Variants in SRFBP1 observed in about 807,000 individuals in gnomAD.
SRFBP1 encodes serum response factor-binding protein 1.
In SRFBP1, 47 loss-of-function variants were observed where a neutral mutation model predicts 45.5. That is an observed-to-expected ratio of 1.03 (90% CI 0.82 to 1.32). The LOEUF (loss-of-function observed/expected upper bound fraction) is 1.32. Ranked by LOEUF, SRFBP1 falls within the 40% of genes most tolerant of loss-of-function variation. The probability of loss-of-function intolerance (pLI) is 0.00; values close to 1 mark genes in which losing one functional copy is unlikely to be tolerated. For synonymous variants in SRFBP1, 203 were observed against 166.3 expected, an observed-to-expected ratio of 1.22 and a Z score of -1.70; for missense variants, 621 against 484.6, an observed-to-expected ratio of 1.28 and a Z score of -2.64.
chr5:121,975,763 T>A (rs1752290932), intron 3 of SRFBP1, among the ~76,000 whole-genome samples: 1 of 152,024 alleles, frequency 6.6e-6, no homozygotes, highest in South Asian at 2.1e-4. Flanking sequence ...GTGGCTGACA[T>A]CATGCTTTCC....
At position 122,015,860 on chromosome 5, in the gene SRFBP1, G is replaced by A. The variant is rs138934086; in HGVS notation, c.271-3400G>A. Among the ~76,000 whole-genome samples, 356 of 152,192 alleles carry A rather than the reference G, an allele frequency of 2.3e-3. 2 individuals carry two copies. The highest frequency in any genetic ancestry group is 8.2e-3 in the African/African-American group (341 of 41,520). ...AAGCACTAGCTATTAACTTTATGTT[G>A]TGGTAGGTAAAGATTTAGATCTCTT... is the stretch of plus-strand genomic sequence containing the variant. On this transcript the variant is annotated intron_variant, in intron 4 of 7. Coordinates refer to ENST00000339397, the MANE Select transcript of SRFBP1 (RefSeq NM_152546.3).
chr5:121,971,808 C>CT (rs1476141197), intron 1 of SRFBP1, among the ~76,000 whole-genome samples: 2 of 151,862 alleles, frequency 1.3e-5, no homozygotes, highest in Admixed American at 1.3e-4. Context: ...TCTTGGAAAA[C>CT]TAAGGGAAGA....
chr5:121,995,162 A>C (rs984040875), intron 4 of SRFBP1, among the ~76,000 whole-genome samples: 4 of 151,760 alleles, frequency 2.6e-5, no homozygotes, highest in African/African-American at 9.7e-5. Context: ...CACCAAGCGG[A>C]CCTAATAGAC....
chr5:122,020,220 C>G lies in SRFBP1; in HGVS notation c.485C>G (p.Ala162Gly), dbSNP rs746917007. Reference protein sequence around the residue: ...NDNGSNLQREATVISEQKVKE... With the variant: ...NDNGSNLQREGTVISEQKVKE... ...AATGGAAGTAATTTACAGCGTGAAG[C>G]AACTGTCATCAGTGAGCAAAAAGTC... is the stretch of plus-strand genomic sequence containing the variant. The change falls in exon 6 of 8, where the codon GCA becomes GGA. Residue 162 changes from alanine (A) to glycine (G), a missense_variant. Transcript: ENST00000339397. 1.9e-6 allele frequency: 3 copies of G among 1,613,380 alleles called. No individual in the cohort carries two copies. Among genetic ancestry groups the G allele is most frequent in the South Asian group, 1.1e-5 (1 of 90,828 alleles).
chr5:122,046,050 GA>G (rs1339792139), intron 2 of SRFBP1, among the ~76,000 whole-genome samples: 2 of 151,642 alleles, frequency 1.3e-5, no homozygotes, highest in African/African-American at 2.4e-5. Context: ...GTTTATTGAG[GA>G]TTTTTTTAAT....
intron 2 of SRFBP1, among the ~76,000 whole-genome samples, chr5:122,069,689 T>A (rs1447419171): frequency 3.3e-5 from 5 of 152,134 alleles, no homozygotes; most frequent in Non-Finnish European, 7.4e-5. Flanking sequence ...CTAGCAATTC[T>A]TTCAGGGACT....
chr5:122,010,721 A>C (rs1753076037), intron 4 of SRFBP1, among the ~76,000 whole-genome samples: 1 of 135,062 alleles, frequency 7.4e-6, no homozygotes, highest in Admixed American at 7.1e-5. Flanking sequence ...ATTTCCCATA[A>C]AATTTTAATT....
At chr5:121,963,662 AT>A (rs1751998040) in intron 1 of SRFBP1, among the ~76,000 whole-genome samples, 1 of 152,178 alleles carries the variant, frequency 6.6e-6, no homozygotes, top group African/African-American at 2.4e-5. Context: ...GGAAACACTT[AT>A]GTAACTGTTT....
chr5:121,999,011 C>T (rs990168044), intron 4 of SRFBP1, among the ~76,000 whole-genome samples: 1 of 152,048 alleles, frequency 6.6e-6, no homozygotes, highest in Non-Finnish European at 1.5e-5. Flanking sequence ...ATTTTTGCTC[C>T]ATTCTACATT....
chr5:122,041,622 G>C (rs557414803), intron 2 of SRFBP1, among the ~76,000 whole-genome samples: 15 of 151,700 alleles, frequency 9.9e-5, no homozygotes, highest in South Asian at 2.1e-4. Flanking sequence ...TTGGCTGTTG[G>C]TGGTATATGT....
chr5:122,038,152 A>G (rs1319895870), intron 2 of SRFBP1, among the ~76,000 whole-genome samples: 1 of 152,192 alleles, frequency 6.6e-6, no homozygotes, highest in Non-Finnish European at 1.5e-5. Flanking sequence ...CATCAAATAA[A>G]CATCCGTTTT....
At chr5:122,078,306 A>G (rs1359070795), downstream of SRFBP1, 2 of 254,076 alleles carry the variant, frequency 7.9e-6, no homozygotes, top group African/African-American at 4.4e-5. Flanking sequence ...GCACGTTTGC[A>G]AAGTTACACA....
intron 2 of SRFBP1, chr5:122,075,312 C>T (rs1754584538): frequency 8.4e-7 from 1 of 1,193,370 alleles, no homozygotes; most frequent in Non-Finnish European, 1.2e-6. Flanking sequence ...TTTCTCCCTT[C>T]AGGTAAGAAA....
chr5:122,030,469 A>G (rs1009483473), downstream of SRFBP1, among the ~76,000 whole-genome samples: 2 of 152,144 alleles, frequency 1.3e-5, no homozygotes, highest in African/African-American at 4.8e-5. Flanking sequence ...GAGTACTGTC[A>G]TTATTTGACC....
At chr5:122,047,044 A>C (rs1753874531) in intron 2 of SRFBP1, among the ~76,000 whole-genome samples, 5 of 152,118 alleles carry the variant, frequency 3.3e-5, no homozygotes, top group South Asian at 2.1e-4. Flanking sequence ...GAAGCTCTTT[A>C]GTTTAATTAG....
At chr5:121,969,396 C>G (rs980256273) in intron 1 of SRFBP1, among the ~76,000 whole-genome samples, 1 of 151,986 alleles carries the variant, frequency 6.6e-6, no homozygotes, top group African/African-American at 2.4e-5. Flanking sequence ...TCTCAAGTCT[C>G]TGAGCTGGGG....
At chr5:122,052,390 T>C (rs1287100906) in intron 2 of SRFBP1, among the ~76,000 whole-genome samples, 1 of 152,204 alleles carries the variant, frequency 6.6e-6, no homozygotes, top group Non-Finnish European at 1.5e-5. Context: ...GCCAGTGAGT[T>C]GTAGATTATG....
At chr5:121,972,323 G>T (rs1260134013) in intron 1 of SRFBP1, among the ~76,000 whole-genome samples, 1 of 151,802 alleles carries the variant, frequency 6.6e-6, no homozygotes, top group East Asian at 1.9e-4. Context: ...GAAAAATGAT[G>T]GTTCCCAACT....
At chr5:122,019,708 T>C (rs1753263283) in intron 5 of SRFBP1, among the ~76,000 whole-genome samples, 1 of 151,370 alleles carries the variant, frequency 6.6e-6, no homozygotes, top group Non-Finnish European at 1.5e-5. Context: ...TAAAATGAAA[T>C]TTTTTTGTCA....
Sources: gnomAD v4.1 joint callset for allele counts (sites outside exome capture counted in the v4.1 genomes callset) on GRCh38, gnomAD v4.1.1 for gene constraint, MANE v1.5 for transcripts, NCBI Gene and HGNC (gene_info 2026-07-23, HGNC 2026-07-21) for gene names.